HES7: variants seen among roughly 807,000 people sequenced by gnomAD.
HES7 encodes transcription factor HES-7.
Under a neutral mutation model 18.0 loss-of-function variants are expected in HES7, and 8 were observed. The ratio of observed to expected loss-of-function variants is 0.45; its 90% CI spans 0.26 to 0.80. HES7 has a LOEUF of 0.80. Among genes scored for constraint, HES7 ranks in the 30% least tolerant of loss-of-function variants. HES7 has a pLI of 0.18. For synonymous variants in HES7, 170 were observed against 158.6 expected, an observed-to-expected ratio of 1.07 and a Z score of -0.54; for missense variants, 356 against 340.9, an observed-to-expected ratio of 1.04 and a Z score of -0.35.
chr17:8,125,753 T>G (rs550134739), upstream of HES7, among the ~76,000 whole-genome samples: 5 of 152,228 alleles, frequency 3.3e-5, no homozygotes, highest in East Asian at 7.7e-4. Context: ...CGCGCATTGG[T>G]GGTTCAGTGG....
Position 8,121,877 on chromosome 17 carries a change from G to A in HES7, c.387C>T (p.Gly129=), listed in dbSNP as rs1240933866. 35 of 1,571,692 alleles carry A rather than the reference G, an allele frequency of 2.2e-5. No individual in the cohort carries two copies. The Admixed American group carries it at 3.5e-4, about 16-fold the overall frequency. Residue 129 remains glycine (G), a synonymous_variant, in exon 4 of 4, where the codon GGC becomes GGT. Transcript: ENST00000541682. ...ARAQLFSALH[G]YLRPKPPRPK... ...GCCGGGGCGGTTTGGGGCGCAGATAGCCGTGCAGCGCGGAGAAGAGCTGGG... is the reference window on the plus strand; with the variant it reads ...GCCGGGGCGGTTTGGGGCGCAGATAACCGTGCAGCGCGGAGAAGAGCTGGG...
In HES7 at chr17:8,121,703, C is replaced by T. The variant is rs1598230602; in HGVS notation, c.561G>A (p.Pro187=). ...RCAWSPSLCS[P]RAGDSGAPAP... ...CCGGCGCGCCAGAATCCCCGGCGCG[C>T]GGGGAGCAGAGGGATGGGGACCATG... Residue 187 remains proline (P), a synonymous_variant, in exon 4 of 4, where the codon CCG becomes CCA. Transcript: ENST00000541682. 1 of 1,332,466 alleles carries T rather than the reference C, an allele frequency of 7.5e-7. No individual in the cohort carries two copies. Among genetic ancestry groups the T allele is most frequent in the Non-Finnish European group, 9.5e-7 (1 of 1,048,242 alleles). 82.5% of individuals were successfully genotyped at this position (1,332,466 alleles called of 1,614,324 possible). A position where few individuals can be genotyped will look rare whatever the true frequency, so the allele number is the denominator to read the frequency against.
chr17:8,124,221 G>C (rs930647586), upstream of HES7: 5 of 1,032,688 alleles, frequency 4.8e-6, no homozygotes, highest in African/African-American at 7.9e-5. Flanking sequence ...CCCGGCACGA[G>C]GCTCCCGGAA....
upstream of HES7, among the ~76,000 whole-genome samples, chr17:8,125,904 C>T (rs542631551): frequency 7.9e-5 from 12 of 152,214 alleles, no homozygotes; most frequent in Non-Finnish European, 1.8e-4. Context: ...AATATTTCTA[C>T]CAAATATTAA....
chr17:8,122,375 T>C lies in HES7; in HGVS notation c.194A>G (p.Tyr65Cys). The change falls in exon 3 of 4, where the codon TAC becomes TGC. Residue 65 changes from tyrosine to cysteine, a missense_variant. Physicochemically the swap from Tyr to Cys is radical, Grantham distance 194 (BLOSUM62 -2). Transcript: ENST00000541682. The surrounding 1 kb of genome is among the most constrained non-coding windows in gnomAD (Gnocchi z 6.9). ...CTCCACCCGGCTTCGCTCCCTCAAG[T>C]AGCCCACGGCGAACTCCAATATCTC... ...KAEILEFAVG[Y>C]LRERSRVEPP... The C allele has an allele frequency of 6.3e-7, 1 of 1,598,138 alleles. No homozygotes were observed. Among genetic ancestry groups the C allele is most frequent in the Non-Finnish European group, 8.5e-7 (1 of 1,172,802 alleles).
chr17:8,124,176 G>C (rs539964275), upstream of HES7: 16 of 1,491,874 alleles, frequency 1.1e-5, no homozygotes, highest in Non-Finnish European at 1.5e-5. Flanking sequence ...ACCCGACCCC[G>C]CCCCCTTCGA....
In HES7 at chr17:8,121,261, A is replaced by C; in HGVS notation, c.*310T>G. 1 of 261,518 alleles carries C rather than the reference A, an allele frequency of 3.8e-6. No individual in the cohort carries two copies. The highest frequency in any genetic ancestry group is 7.2e-6 in the Non-Finnish European group (1 of 139,446). The allele number at this position is 261,518 out of a possible 1,614,324, so 16.2% of individuals were successfully genotyped here. ...AGGCAGGCCCCTGGCTCGGGGACAC[A>C]CGGGGATTTAATAACCACTTTATTC... On this transcript the variant is annotated 3_prime_UTR_variant, in exon 4 of 4. Coordinates refer to ENST00000541682, the MANE Select transcript of HES7 (RefSeq NM_001165967.2).
In HES7 at chr17:8,124,025, T is replaced by C. The variant is rs988021475; in HGVS notation, c.42+18A>G. The stretch of plus-strand genomic sequence containing the variant: ...AGCCAAACCAGGGACCTCTGCTCCC[T>C]CCCCTCCCGCCTCTCACCTTGGGGC... On this transcript the variant is annotated intron_variant, in intron 1 of 3. Coordinates refer to ENST00000541682, the MANE Select transcript of HES7 (RefSeq NM_001165967.2). 6.2e-7 allele frequency: 1 copy of C among 1,613,166 alleles called. No individual in the cohort carries two copies. Among genetic ancestry groups the C allele is most frequent in the Non-Finnish European group, 8.5e-7 (1 of 1,179,802 alleles).
At position 8,122,767 on chromosome 17, in the gene HES7, C is replaced by T. The variant is rs1226490851; in HGVS notation, c.138+264G>A. Among the ~76,000 whole-genome samples, 1 of 152,122 alleles carries T rather than the reference C, an allele frequency of 6.6e-6. No individual in the cohort carries two copies. The highest frequency in any genetic ancestry group is 1.5e-5 in the Non-Finnish European group (1 of 68,006). On this transcript the variant is annotated intron_variant, in intron 2 of 3. Coordinates refer to ENST00000541682, the MANE Select transcript of HES7 (RefSeq NM_001165967.2). The surrounding 1 kb of genome is among the most constrained non-coding windows in gnomAD (Gnocchi z 6.9). ...GCTGTGGGGGAGGGGGAACCGGACA[C>T]TTAGAGACCCAAAGGGTGAAACTGA...
In HES7 at chr17:8,123,978, G is replaced by T; in HGVS notation, c.42+65C>A. 1 of 1,573,200 alleles carries T rather than the reference G, an allele frequency of 6.4e-7. No homozygotes were observed. Among genetic ancestry groups the T allele is most frequent in the Non-Finnish European group, 8.7e-7 (1 of 1,145,952 alleles). ...GTCCCCAGCCTCTCTCCAGACCGACGGCGTCAGGGGCCCAGTCCCCTAGCC... is the reference window on the plus strand; with the variant it reads ...GTCCCCAGCCTCTCTCCAGACCGACTGCGTCAGGGGCCCAGTCCCCTAGCC... On this transcript the variant is annotated intron_variant, in intron 1 of 3. Transcript: ENST00000541682. The surrounding 1 kb of genome is among the most constrained non-coding windows in gnomAD (Gnocchi z 5.9).
In HES7 at chr17:8,121,551, C is replaced by T. The variant is rs922223596; in HGVS notation, c.*20G>A. On this transcript the variant is annotated 3_prime_UTR_variant, in exon 4 of 4. Transcript: ENST00000541682. ...GTCTCTACCCCACCCCTAGACCCCGCCCCCACCACCCCCCAAGGCTCAGGG... is the reference window on the plus strand; with the variant it reads ...GTCTCTACCCCACCCCTAGACCCCGTCCCCACCACCCCCCAAGGCTCAGGG... The T allele has an allele frequency of 1.5e-6, 2 of 1,297,512 alleles. No homozygotes were observed. The highest frequency in any genetic ancestry group is 5.2e-5 in the South Asian group (2 of 38,572). The allele number at this position is 1,297,512 out of a possible 1,614,324, so 80.4% of individuals were successfully genotyped here. A position where few individuals can be genotyped will look rare whatever the true frequency, so the allele number is the denominator to read the frequency against.
rs1354663259 is a variant in HES7 at position 8,121,682 on chromosome 17, C to G, written c.582G>C (p.Ala194=). ...LCSPRAGDSG[A]PAPLTGLLPP... ...GCAGCAGTCCGGTGAGGGGCGCCGG[C>G]GCGCCAGAATCCCCGGCGCGCGGGG... is the stretch of plus-strand genomic sequence containing the variant. Residue 194 remains alanine, a synonymous_variant, in exon 4 of 4, where the codon GCG becomes GCC. Transcript: ENST00000541682. 1.5e-6 allele frequency: 2 copies of G among 1,326,008 alleles called. No individual in the cohort carries two copies. The highest frequency in any genetic ancestry group is 1.9e-6 in the Non-Finnish European group (2 of 1,044,412). The allele number at this position is 1,326,008 out of a possible 1,614,324, so 82.1% of individuals were successfully genotyped here.
At position 8,121,964 on chromosome 17, in the gene HES7, AC is replaced by A. The variant is rs1399515151; in HGVS notation, c.299del (p.Gly100ValfsTer42). 6.4e-7 allele frequency: 1 copy of A among 1,552,312 alleles called. No homozygotes were observed. The highest frequency in any genetic ancestry group is 8.6e-7 in the Non-Finnish European group (1 of 1,159,560). On this transcript the variant is annotated frameshift_variant, in exon 4 of 4. Coordinates refer to ENST00000541682, the MANE Select transcript of HES7 (RefSeq NM_001165967.2). LOFTEE classifies it high-confidence loss of function. ...AEALASCYLSGFRECLLRLAA... is the reference protein window; with the variant it reads ...AEALASCYLSXFRECLLRLAA... Reference sequence around the variant, plus strand: ...CCAAGCGAAGCAGGCACTCGCGGAAACCGGACAAGTAGCAGCTGGCGAGCGC... The same window carrying A: ...CCAAGCGAAGCAGGCACTCGCGGAAACGGACAAGTAGCAGCTGGCGAGCGC...
upstream of HES7, among the ~76,000 whole-genome samples, chr17:8,125,197 C>T (rs3027276): frequency 0.017 from 2,539 of 152,256 alleles, 38 homozygotes; most frequent in Non-Finnish European, 0.027. Context: ...GCCAGGTTGC[C>T]AGGGATAAAG....
Position 8,122,274 on chromosome 17 carries a change from A to C in HES7, c.226+69T>G. On this transcript the variant is annotated intron_variant, in intron 3 of 3. Coordinates refer to ENST00000541682, the MANE Select transcript of HES7 (RefSeq NM_001165967.2). The surrounding 1 kb of genome is among the most constrained non-coding windows in gnomAD (Gnocchi z 6.9). ...CCACCATCCACCGCAGGGCCCGCCC[A>C]CTCTGCCCCGGCCGGAGCCTCCTGG... The C allele has an allele frequency of 7.4e-7, 1 of 1,357,180 alleles. No individual in the cohort carries two copies. The highest frequency in any genetic ancestry group is 1.0e-6 in the Non-Finnish European group (1 of 975,222). 84.1% of individuals were successfully genotyped at this position (1,357,180 alleles called of 1,614,324 possible). A position where few individuals can be genotyped will look rare whatever the true frequency, so the allele number is the denominator to read the frequency against.
Position 8,122,255 on chromosome 17 carries a change from T to G in HES7, c.226+88A>C. On this transcript the variant is annotated intron_variant, in intron 3 of 3. Coordinates refer to ENST00000541682, the MANE Select transcript of HES7 (RefSeq NM_001165967.2). This position sits in a 1 kb window ranked among gnomAD's most constrained non-coding sequence, Gnocchi z 6.9. The stretch of plus-strand genomic sequence containing the variant: ...AACCGGCCACTCCCCAAGCCCACCA[T>G]CCACCGCAGGGCCCGCCCACTCTGC... 1 of 1,194,198 alleles carries G rather than the reference T, an allele frequency of 8.4e-7. No homozygotes were observed. The highest frequency in any genetic ancestry group is 1.2e-6 in the Non-Finnish European group (1 of 828,794). 74.0% of individuals were successfully genotyped at this position (1,194,198 alleles called of 1,614,324 possible).
Position 8,123,982 on chromosome 17 carries a change from T to C in HES7, c.42+61A>G. ...CCAGCCTCTCTCCAGACCGACGGCG[T>C]CAGGGGCCCAGTCCCCTAGCCAAAC... On this transcript the variant is annotated intron_variant, in intron 1 of 3. Coordinates refer to ENST00000541682, the MANE Select transcript of HES7 (RefSeq NM_001165967.2). The surrounding 1 kb of genome is among the most constrained non-coding windows in gnomAD (Gnocchi z 5.9). 2 of 1,577,238 alleles carry C rather than the reference T, an allele frequency of 1.3e-6. No homozygotes were observed. Among genetic ancestry groups the C allele is most frequent in the East Asian group, 4.5e-5 (2 of 44,594 alleles).
upstream of HES7, among the ~76,000 whole-genome samples, chr17:8,126,438 T>C (rs997838917): frequency 6.6e-6 from 1 of 152,114 alleles, no homozygotes; most frequent in Non-Finnish European, 1.5e-5. Flanking sequence ...TATCTCGTCG[T>C]CTCTCCGAGT....
Position 8,121,532 on chromosome 17 carries a change from A to C in HES7, c.*39T>G, listed in dbSNP as rs1319901373. On this transcript the variant is annotated 3_prime_UTR_variant, in exon 4 of 4. Transcript: ENST00000541682. ...CTGCTGCCCTCGGGCTGGAGTCTCT[A>C]CCCCACCCCTAGACCCCGCCCCCAC... 3.9e-6 allele frequency: 5 copies of C among 1,282,138 alleles called. No individual in the cohort carries two copies. The highest frequency in any genetic ancestry group is 4.9e-6 in the Non-Finnish European group (5 of 1,019,576). 79.4% of individuals were successfully genotyped at this position (1,282,138 alleles called of 1,614,324 possible). A position where few individuals can be genotyped will look rare whatever the true frequency, so the allele number is the denominator to read the frequency against.
Sources: allele counts gnomAD v4.1 joint callset (sites outside exome capture counted in the v4.1 genomes callset), GRCh38; gene constraint gnomAD v4.1.1; non-coding constraint Gnocchi (gnomAD v3.1); transcripts MANE v1.5; gene names NCBI Gene and HGNC (gene_info 2026-07-23, HGNC 2026-07-21).